Variants in HOOK2 observed in about 807,000 individuals in gnomAD.
The protein encoded by HOOK2 is protein Hook homolog 2.
Under a neutral mutation model 111.9 loss-of-function variants are expected in HOOK2, and 108 were observed. The ratio of observed to expected loss-of-function variants is 0.96; its 90% CI spans 0.83 to 1.13. The LOEUF (loss-of-function observed/expected upper bound fraction) is 1.13, where lower values mean the gene tolerates loss of function less well. Ranked by LOEUF, HOOK2 falls within the 50% of genes most tolerant of loss-of-function variation. HOOK2 has a pLI of 0.00. For synonymous variants in HOOK2, 405 were observed against 394.3 expected, an observed-to-expected ratio of 1.03 and a Z score of -0.32; for missense variants, 978 against 951.3, an observed-to-expected ratio of 1.03 and a Z score of -0.37.
Position 12,766,085 on chromosome 19 carries a change from A to T in HOOK2, c.1511+18T>A. ...CCCTCTGTCCCTGCTCCGCGCAGGT[A>T]GGTCCCCAGGCGCTCACCGGTGCTG... is the stretch of plus-strand genomic sequence containing the variant. On this transcript the variant is annotated intron_variant, in intron 15 of 22. Coordinates refer to ENST00000397668, the MANE Select transcript of HOOK2 (RefSeq NM_013312.3). 1 of 1,602,070 alleles carries T rather than the reference A, an allele frequency of 6.2e-7. No homozygotes were observed.
At position 12,775,509 on chromosome 19, in the gene HOOK2, C is replaced by A. The variant is rs1450719155; in HGVS notation, c.-60G>T. ...CCCGGCGCCGCAGCAGCCTCCGGGT[C>A]CGCCACCAGCGAGCGCCCGCAGCCC... On this transcript the variant is annotated 5_prime_UTR_variant, in exon 1 of 23. Transcript: ENST00000397668. 6.4e-7 allele frequency: 1 copy of A among 1,564,176 alleles called. No individual in the cohort carries two copies. Among genetic ancestry groups the A allele is most frequent in the Admixed American group, 1.8e-5 (1 of 54,576 alleles).
intron 7 of HOOK2, chr19:12,771,881 CAAA>C (rs60718260): frequency 0.012 from 1,362 of 114,180 alleles, no homozygotes; most frequent in Middle Eastern, 0.026. Flanking sequence ...GACTCCATCT[CAAA>C]AAAAAAAAAA....
Position 12,786,500 on chromosome 19 carries a change from G to A in HOOK2, n.42-12275C>T, listed in dbSNP as rs1317845160. On this transcript the variant is annotated intron_variant and non_coding_transcript_variant, in intron 3 of 3. Transcript: ENST00000589765. This position sits in a 1 kb window ranked among gnomAD's most constrained non-coding sequence, Gnocchi z 4.3. ...TAGGCCCCAGGCCCTGGGGCACTGG[G>A]GAAGCCTGCGCAGGGACTTCTTAGC... 6.6e-6 allele frequency among the ~76,000 whole-genome samples: 1 copy of A among 152,110 alleles called. No individual in the cohort carries two copies. The highest frequency in any genetic ancestry group is 1.5e-5 in the Non-Finnish European group (1 of 67,974).
chr19:12,785,319 A>G (rs756453419), intron 3 of HOOK2, among the ~76,000 whole-genome samples: 4 of 151,200 alleles, frequency 2.6e-5, no homozygotes, highest in Admixed American at 1.3e-4. Context: ...CACACACCAG[A>G]TCGTATACAC....
chr19:12,776,978 A>T (rs1329159063), upstream of HOOK2, among the ~76,000 whole-genome samples: 1 of 151,118 alleles, frequency 6.6e-6, no homozygotes, highest in African/African-American at 2.4e-5. Flanking sequence ...TAACACGGTG[A>T]AACCCCTTCT....
chr19:12,787,214 A>G (rs1286845181), intron 3 of HOOK2: 1 of 152,232 alleles, frequency 6.6e-6, no homozygotes, highest in Admixed American at 6.6e-5. Flanking sequence ...GGCTCATGTG[A>G]TCCTCCTGCC....
Position 12,791,869 on chromosome 19 carries a change from A to C in HOOK2, n.42-17644T>G. On this transcript the variant is annotated intron_variant and non_coding_transcript_variant, in intron 3 of 3. Coordinates refer to the HOOK2 transcript ENST00000589765. The surrounding 1 kb of genome is among the most constrained non-coding windows in gnomAD (Gnocchi z 7.0). ...GGTGGCCTCTCTCTACACGACTACA[A>C]ACTCCTGAAACCGAGCCTGGCGGTC... The C allele has an allele frequency of 6.2e-7, 1 of 1,613,454 alleles. No homozygotes were observed. Among genetic ancestry groups the C allele is most frequent in the Non-Finnish European group, 8.5e-7 (1 of 1,179,854 alleles).
intron 3 of HOOK2, chr19:12,792,233 C>T (rs1239545102): frequency 6.6e-7 from 1 of 1,525,710 alleles, no homozygotes. Flanking sequence ...ACGTGACACC[C>T]CCCAACGTGT....
Position 12,775,386 on chromosome 19 carries a change from G to A in HOOK2, c.45+19C>T. The A allele has an allele frequency of 6.2e-7, 1 of 1,610,504 alleles. No homozygotes were observed. Among genetic ancestry groups the A allele is most frequent in the Non-Finnish European group, 8.5e-7 (1 of 1,178,762 alleles). On this transcript the variant is annotated intron_variant, in intron 1 of 22. Transcript: ENST00000397668. Reference sequence around the variant, plus strand: ...AGGAGCGGGCGCTCACCTTCCCCTAGCCCCGCCCCACGACCTACCCAGGTG... The same window carrying A: ...AGGAGCGGGCGCTCACCTTCCCCTAACCCCGCCCCACGACCTACCCAGGTG...
chr19:12,791,483 G>T lies in HOOK2; in HGVS notation n.42-17258C>A, dbSNP rs1968712982. The T allele has an allele frequency of 1.1e-5, 4 of 371,350 alleles. No homozygotes were observed. In the East Asian group the frequency reaches 1.5e-4, roughly 14 times the overall value. The allele number at this position is 371,350 out of a possible 1,614,324, so 23.0% of individuals were successfully genotyped here. ...AAAGGCGTGTGGCTCAGGCTGAGCG[G>T]CTGGGACCTTGAGAGCGGCCAGGCC... is the stretch of plus-strand genomic sequence containing the variant. On this transcript the variant is annotated intron_variant and non_coding_transcript_variant, in intron 3 of 3. Coordinates refer to the HOOK2 transcript ENST00000589765. The surrounding 1 kb of genome is among the most constrained non-coding windows in gnomAD (Gnocchi z 7.0).
At position 12,763,774 on chromosome 19, in the gene HOOK2, A is replaced by T. The variant is rs749978879; in HGVS notation, c.1832T>A (p.Met611Lys). 4.3e-6 allele frequency: 7 copies of T among 1,613,682 alleles called. No individual in the cohort carries two copies. Among genetic ancestry groups the T allele is most frequent in the Non-Finnish European group, 5.9e-6 (7 of 1,179,720 alleles). ...CCGCTGCTTGGGTTCCATGGTCTGC[A>T]TGACCTACAGGTTGAGGAAGTCATA... is the stretch of plus-strand genomic sequence containing the variant. ...RRYVDKARMV[M>K]QTMEPKQRPA... is the part of the protein sequence containing the mutation. Residue 611 changes from methionine (M) to lysine (K), a missense_variant, in exon 21 of 23, where the codon ATG becomes AAG. Coordinates refer to ENST00000397668, the MANE Select transcript of HOOK2 (RefSeq NM_013312.3).
intron 14 of HOOK2, among the ~76,000 whole-genome samples, chr19:12,766,912 T>C (rs976347774): frequency 6.6e-6 from 1 of 152,114 alleles, no homozygotes; most frequent in Admixed American, 6.5e-5. Flanking sequence ...CATTTTTATT[T>C]TGTAGAGAGG....
intron 14 of HOOK2, 53 bp from the exon 15 acceptor site, chr19:12,766,293 C>A (rs1568362104): frequency 2.0e-6 from 3 of 1,478,872 alleles, no homozygotes; most frequent in Non-Finnish European, 2.7e-6. Flanking sequence ...CTCGCAGGCT[C>A]GCTGGGGCTC....
intron 11 of HOOK2, 131 bp downstream of exon 11, chr19:12,769,750 G>C: frequency 4.3e-6 from 3 of 689,814 alleles, no homozygotes; most frequent in Non-Finnish European, 6.5e-6. Context: ...CGTGGGTGGA[G>C]GGAAGAGGCC....
Position 12,771,426 on chromosome 19 carries a change from G to C in HOOK2, c.571C>G (p.Gln191Glu), listed in dbSNP as rs1365666425. 1 of 1,613,726 alleles carries C rather than the reference G, an allele frequency of 6.2e-7. No individual in the cohort carries two copies. ...SEEAEEGDEL[Q>E]QRCLDLERQL... Reference sequence around the variant, plus strand: ...CGCTCCAGATCCAGACAGCGCTGCTGTAATTCGTCCCCCTCCTCAGCCTCC... The same window carrying C: ...CGCTCCAGATCCAGACAGCGCTGCTCTAATTCGTCCCCCTCCTCAGCCTCC... The change falls in exon 8 of 23, where the codon CAG (glutamine) becomes GAG (glutamate). Residue 191 changes from glutamine to glutamate, a missense_variant. Around this residue, in one of 5 missense-constraint regions of HOOK2, gnomAD observed 301 missense variants for 286.1 expected, o/e 1.05. Coordinates refer to ENST00000397668, the MANE Select transcript of HOOK2 (RefSeq NM_013312.3).
chr19:12,782,885 A>ACCC (rs377293013), upstream of HOOK2, among the ~76,000 whole-genome samples: 96 of 145,480 alleles, frequency 6.6e-4, no homozygotes, highest in African/African-American at 1.9e-3. Context: ...TGGAGCTGAG[A>ACCC]CCCCCCCCCC....
upstream of HOOK2, among the ~76,000 whole-genome samples, chr19:12,777,688 C>G (rs1968554502): frequency 6.6e-6 from 1 of 152,244 alleles, no homozygotes; most frequent in Non-Finnish European, 1.5e-5. Flanking sequence ...GCATCACCCC[C>G]ACCTCAGAAC....
chr19:12,789,733 T>C (rs1251981061), intron 3 of HOOK2, among the ~76,000 whole-genome samples: 3 of 150,604 alleles, frequency 2.0e-5, no homozygotes, highest in East Asian at 4.0e-4. Flanking sequence ...CCGGGCTGGG[T>C]TGGGCCAGGC....
intron 7 of HOOK2, 141 bp from the exon 8 acceptor site, chr19:12,771,618 C>G: frequency 1.4e-6 from 1 of 722,200 alleles, no homozygotes; most frequent in Non-Finnish European, 2.3e-6. Flanking sequence ...TGCAGTGGCT[C>G]GCGCCTATAA....
Sources: allele counts gnomAD v4.1 joint callset (sites outside exome capture counted in the v4.1 genomes callset), GRCh38; gene constraint gnomAD v4.1.1; regional missense constraint gnomAD v4.1.1; non-coding constraint Gnocchi (gnomAD v3.1); transcripts MANE v1.5; gene names NCBI Gene and HGNC (gene_info 2026-07-23, HGNC 2026-07-21).